HS1BP3: variants seen among roughly 807,000 people sequenced by gnomAD.
HS1BP3 encodes HCLS1 binding protein 3, also known as HCLS1-binding protein 3.
In HS1BP3, 32 loss-of-function variants were observed where a neutral mutation model predicts 33.5. The ratio of observed to expected loss-of-function variants is 0.95; its 90% CI spans 0.72 to 1.28. The LOEUF (loss-of-function observed/expected upper bound fraction) is 1.28. Ranked by LOEUF, HS1BP3 falls within the 50% of genes most tolerant of loss-of-function variation. HS1BP3 has a pLI of 0.00. For synonymous variants in HS1BP3, 187 were observed against 209.2 expected, an observed-to-expected ratio of 0.89 and a Z score of 0.92; for missense variants, 486 against 502.3, an observed-to-expected ratio of 0.97 and a Z score of 0.31.
At chr2:20,623,666 C>T (rs1178518515) in intron 6 of HS1BP3, 2 of 446,460 alleles carry the variant, frequency 4.5e-6, no homozygotes, top group Admixed American at 8.2e-5. Context: ...GTTGTGCACA[C>T]AAAGTTCTCT....
At chr2:20,629,159 T>C (rs911587549) in intron 4 of HS1BP3, among the ~76,000 whole-genome samples, 11 of 152,122 alleles carry the variant, frequency 7.2e-5, no homozygotes, top group African/African-American at 2.7e-4. Context: ...GGTCAGTAAT[T>C]CCATGACAGG....
intron 2 of HS1BP3, among the ~76,000 whole-genome samples, chr2:20,642,835 C>A (rs1380096839): frequency 6.6e-6 from 1 of 152,296 alleles, no homozygotes; most frequent in East Asian, 1.9e-4. Flanking sequence ...TTATCTGGTG[C>A]CCCCGTGTGC....
At chr2:20,639,720 G>A (rs1420708652) in intron 3 of HS1BP3, among the ~76,000 whole-genome samples, 2 of 152,218 alleles carry the variant, frequency 1.3e-5, no homozygotes, top group African/African-American at 2.4e-5. Context: ...GATCCCTACT[G>A]TACATCCATC....
chr2:20,608,404 G>A (rs572076738), intron 2 of HS1BP3, among the ~76,000 whole-genome samples: 65 of 151,868 alleles, frequency 4.3e-4, no homozygotes, highest in Admixed American at 1.2e-3. Flanking sequence ...GTGAAACCCC[G>A]TCTCTACTAA....
At chr2:20,577,105 G>C (rs1035148648) in intron 5 of HS1BP3, among the ~76,000 whole-genome samples, 1 of 152,218 alleles carries the variant, frequency 6.6e-6, no homozygotes, top group African/African-American at 2.4e-5. Flanking sequence ...ACAAGGGCTT[G>C]TCACTGGGCC....
At position 20,638,551 on chromosome 2, in the gene HS1BP3, A is replaced by G; in HGVS notation, c.508T>C (p.Phe170Leu). ...TGNDEEAFDF[F>L]EEQDQVAEEG... ...TCTGCCACTTGGTCTTGCTCCTCAA[A>G]AAAGTCGAAAGCCTCTTCATCATTC... The change falls in exon 4 of 7, where the codon TTT (phenylalanine) becomes CTT (leucine). Residue 170 changes from phenylalanine (F) to leucine (L), a missense_variant. Coordinates refer to ENST00000304031, the MANE Select transcript of HS1BP3 (RefSeq NM_022460.4). 6.2e-7 allele frequency: 1 copy of G among 1,614,202 alleles called. No individual in the cohort carries two copies. The highest frequency in any genetic ancestry group is 8.5e-7 in the Non-Finnish European group (1 of 1,180,028).
intron 5 of HS1BP3, among the ~76,000 whole-genome samples, chr2:20,561,495 G>A (rs1692992787): frequency 6.6e-6 from 1 of 152,132 alleles, no homozygotes; most frequent in African/African-American, 2.4e-5. Flanking sequence ...GGTCCACGAT[G>A]CCACAATGTC....
intron 4 of HS1BP3, among the ~76,000 whole-genome samples, chr2:20,631,855 A>G (rs992075748): frequency 2.0e-5 from 3 of 152,122 alleles, no homozygotes; most frequent in Non-Finnish European, 4.4e-5. Context: ...CAGTACCCCC[A>G]AGAGCCTGAA....
downstream of HS1BP3, among the ~76,000 whole-genome samples, chr2:20,589,292 G>A (rs981937370): frequency 2.6e-5 from 4 of 152,168 alleles, no homozygotes; most frequent in South Asian, 2.1e-4. Context: ...ACCCTGCAGC[G>A]TGCCAATGTC....
At chr2:20,565,692 T>C (rs549902758) in intron 5 of HS1BP3, among the ~76,000 whole-genome samples, 54 of 152,324 alleles carry the variant, frequency 3.5e-4, no homozygotes, top group African/African-American at 1.2e-3. Context: ...GGAAGATGAA[T>C]GTGGAACCTC....
rs556707553 is a variant in HS1BP3, at chr2:20,631,852, C to T, written c.623+6584G>A. Among the ~76,000 whole-genome samples, 547 of 152,276 alleles carry T rather than the reference C, an allele frequency of 3.6e-3. 5 individuals carry two copies. The highest frequency in any genetic ancestry group is 8.3e-3 in the South Asian group (40 of 4,820). On this transcript the variant is annotated intron_variant, in intron 4 of 6. Transcript: ENST00000304031. ...CATTCTACAGCAAGCGCCCAGTACC[C>T]CCAAGAGCCTGAATACACAAAGGGA... is the stretch of plus-strand genomic sequence containing the variant.
chr2:20,569,509 A>T (rs554010339), intron 5 of HS1BP3, among the ~76,000 whole-genome samples: 2 of 152,316 alleles, frequency 1.3e-5, no homozygotes, highest in East Asian at 3.9e-4. Flanking sequence ...TTCTTATTTT[A>T]GTCTAAGTAT....
chr2:20,597,306 C>A (rs1027888674), intron 3 of HS1BP3, among the ~76,000 whole-genome samples: 1 of 152,214 alleles, frequency 6.6e-6, no homozygotes, highest in Non-Finnish European at 1.5e-5. Flanking sequence ...CTTGGACTAG[C>A]AAAGTGTCCT....
intron 5 of HS1BP3, among the ~76,000 whole-genome samples, chr2:20,569,178 T>C (rs777130474): frequency 3.3e-5 from 5 of 152,082 alleles, no homozygotes; most frequent in Non-Finnish European, 7.4e-5. Flanking sequence ...GAGGCCCATG[T>C]CCCACCACCC....
downstream of HS1BP3, among the ~76,000 whole-genome samples, chr2:20,616,132 T>C (rs1558335421): frequency 6.6e-6 from 1 of 152,198 alleles, no homozygotes; most frequent in Non-Finnish European, 1.5e-5. Context: ...CAGTTAAACT[T>C]CTGTTTCCCT....
At chr2:20,650,209 G>T (rs932324112) in intron 1 of HS1BP3, among the ~76,000 whole-genome samples, 7 of 152,212 alleles carry the variant, frequency 4.6e-5, no homozygotes. Context: ...TGGGTAACAC[G>T]TTCATTTATG....
intron 4 of HS1BP3, among the ~76,000 whole-genome samples, chr2:20,628,870 C>T (rs969754327): frequency 3.3e-5 from 5 of 152,054 alleles, no homozygotes; most frequent in Non-Finnish European, 5.9e-5. Context: ...AACTGGGAAC[C>T]CAGATTCCTC....
intron 5 of HS1BP3, among the ~76,000 whole-genome samples, chr2:20,570,391 A>G (rs181623399): frequency 3.3e-5 from 5 of 152,090 alleles, no homozygotes; most frequent in African/African-American, 9.6e-5. Context: ...CATCTCATAA[A>G]TGCTCCCTGG....
intron 3 of HS1BP3, among the ~76,000 whole-genome samples, chr2:20,595,269 G>C (rs760456321): frequency 3.6e-4 from 55 of 152,138 alleles, no homozygotes; most frequent in Non-Finnish European, 7.2e-4. Flanking sequence ...TCTACCCTGG[G>C]ACACAGCTGT....
Sources: allele counts gnomAD v4.1 joint callset (sites outside exome capture counted in the v4.1 genomes callset), GRCh38; gene constraint gnomAD v4.1.1; transcripts MANE v1.5; gene names NCBI Gene and HGNC (gene_info 2026-07-23, HGNC 2026-07-21).